SMPD1: variants seen among roughly 807,000 people sequenced by gnomAD.
The protein encoded by SMPD1 is sphingomyelin phosphodiesterase.
In SMPD1, 47 loss-of-function variants were observed where a neutral mutation model predicts 49.7. That is an observed-to-expected ratio of 0.95 (90% CI 0.75 to 1.21). The LOEUF is 1.21. Among genes scored for constraint, SMPD1 ranks in the 50% most tolerant of loss-of-function variants. The pLI is 0.00. For missense variants in SMPD1, 811 were observed against 822.2 expected, an observed-to-expected ratio of 0.99 and a Z score of 0.17; for synonymous variants, 336 against 339.6, an observed-to-expected ratio of 0.99 and a Z score of 0.12.
rs371582155 is a variant in SMPD1 at position 6,393,724 on chromosome 11, C to T, written c.1340+31C>T. The T allele has an allele frequency of 1.3e-5, 21 of 1,590,550 alleles. No homozygotes were observed. The East Asian group carries it at 2.0e-4, about 15-fold the overall frequency. On this transcript the variant is annotated intron_variant, in intron 4 of 5. Coordinates refer to ENST00000342245, the MANE Select transcript of SMPD1 (RefSeq NM_000543.5). Reference sequence around the variant, plus strand: ...ACGGAGATGAGGGTGGGAATAGGGACAGGGTGAGTGTCTGAAGGCTGAAAA... The same window carrying T: ...ACGGAGATGAGGGTGGGAATAGGGATAGGGTGAGTGTCTGAAGGCTGAAAA...
In SMPD1 at chr11:6,394,046, G is replaced by T; in HGVS notation, c.1486+5G>T. 6.2e-7 allele frequency: 1 copy of T among 1,614,208 alleles called. No individual in the cohort carries two copies. The highest frequency in any genetic ancestry group is 8.5e-7 in the Non-Finnish European group (1 of 1,180,036). ...CCTACATCGGCCTTAATCCTGGTGA[G>T]TGAGGCAGAAGGGAGCCTCCCTTAT... On this transcript the variant is annotated splice_donor_5th_base_variant and intron_variant, in intron 5 of 5. Coordinates refer to ENST00000342245, the MANE Select transcript of SMPD1 (RefSeq NM_000543.5).
At position 6,390,700 on chromosome 11, in the gene SMPD1, C is replaced by G. The variant is rs889113421; in HGVS notation, c.102C>G (p.Gly34=). 1.9e-5 allele frequency: 29 copies of G among 1,546,856 alleles called. No homozygotes were observed. The highest frequency in any genetic ancestry group is 8.7e-5 in the Admixed American group (5 of 57,388). The change falls in exon 1 of 6, where the codon GGC becomes GGG. Residue 34 remains glycine, a synonymous_variant. Transcript: ENST00000342245. ...TAGAPGLLWM[G]LVLALALALA... The stretch of plus-strand genomic sequence containing the variant: ...GAGCCCCCGGACTCCTTTGGATGGG[C>G]CTGGTGCTGGCGCTGGCGCTGGCGC...
At position 6,391,651 on chromosome 11, in the gene SMPD1, C is replaced by G; in HGVS notation, c.586C>G (p.Pro196Ala). Residue 196 changes from proline to alanine, a missense_variant, in exon 2 of 6, where the codon CCA becomes GCA. By Grantham distance (27) the Pro-to-Ala change is conservative. Coordinates refer to ENST00000342245, the MANE Select transcript of SMPD1 (RefSeq NM_000543.5). ...CCCCAAACCCCCTAGCCCCCCAGCC[C>G]CAGGTGCCCCTGTCAGCCGCATCCT... ...PPPKPPSPPA[P>A]GAPVSRILFL... 6.4e-7 allele frequency: 1 copy of G among 1,572,580 alleles called. No individual in the cohort carries two copies. Among genetic ancestry groups the G allele is most frequent in the Non-Finnish European group, 8.6e-7 (1 of 1,161,754 alleles).
At position 6,391,481 on chromosome 11, in the gene SMPD1, T is replaced by C. The variant is rs797044797; in HGVS notation, c.416T>C (p.Leu139Pro). 6.2e-7 allele frequency: 1 copy of C among 1,613,998 alleles called. No individual in the cohort carries two copies. Among genetic ancestry groups the C allele is most frequent in the Middle Eastern group, 1.7e-4 (1 of 5,874 alleles). The change falls in exon 2 of 6, where the codon CTC becomes CCC. Residue 139 changes from leucine to proline, a missense_variant. Leu to Pro is a moderately conservative substitution (Grantham distance 98). Transcript: ENST00000342245. The part of the protein sequence containing the change: ...PPAVCQSIVH[L>P]FEDDMVEVWR... ...GCCGTGTGCCAATCCATTGTCCACC[T>C]CTTTGAGGATGACATGGTGGAGGTG...
intron 2 of SMPD1, 23 bp from the exon 3 acceptor site, chr11:6,393,193 C>T (rs1848011057): frequency 6.2e-7 from 1 of 1,609,832 alleles, no homozygotes; most frequent in Admixed American, 1.7e-5. Flanking sequence ...AAGTGTTGAC[C>T]TCTCATGTTT....
intron 3 of SMPD1, 63 bp downstream of exon 3, chr11:6,393,450 G>A: frequency 6.5e-7 from 1 of 1,539,188 alleles, no homozygotes. Flanking sequence ...TTGAGCTGGA[G>A]CACCTCTGGG....
intron 1 of SMPD1, 117 bp from the exon 2 acceptor site, chr11:6,391,267 C>A: frequency 1.0e-6 from 1 of 989,980 alleles, no homozygotes; most frequent in Non-Finnish European, 1.6e-6. Context: ...GAGCTTGGTG[C>A]ACTGAGTCCT....
chr11:6,391,300 G>T, intron 1 of SMPD1, 84 bp from the exon 2 acceptor site: 1 of 1,393,260 alleles, frequency 7.2e-7, no homozygotes, highest in Admixed American at 1.7e-5. Flanking sequence ...TTTGGAAATG[G>T]AGGCCCAAGG....
chr11:6,391,403 G>A lies in SMPD1; in HGVS notation c.338G>A (p.Arg113His), dbSNP rs149770879. The change falls in exon 2 of 6, where the codon CGC (arginine) becomes CAC (histidine). Residue 113 changes from arginine to histidine, a missense_variant. By Grantham distance (29) the Arg-to-His change is conservative. Coordinates refer to ENST00000342245, the MANE Select transcript of SMPD1 (RefSeq NM_000543.5). ...LGLKKEPNVA[R>H]VGSVAIKLCN... ...CTGCAGAAGGAACCCAATGTGGCTC[G>A]CGTGGGCTCCGTGGCCATCAAGCTG... 5.6e-5 allele frequency: 91 copies of A among 1,611,632 alleles called. No homozygotes were observed. In the African/African-American group the frequency reaches 9.7e-4, roughly 17 times the overall value.
Position 6,394,349 on chromosome 11 carries a change from G to A in SMPD1, c.1638G>A (p.Gly546=), listed in dbSNP as rs1465130999. 3 of 1,614,250 alleles carry A rather than the reference G, an allele frequency of 1.9e-6. No homozygotes were observed. Among genetic ancestry groups the A allele is most frequent in the Non-Finnish European group, 1.7e-6 (2 of 1,180,046 alleles). Residue 546 remains glycine (G), a synonymous_variant, in exon 6 of 6, where the codon GGG becomes GGA. Coordinates refer to ENST00000342245, the MANE Select transcript of SMPD1 (RefSeq NM_000543.5). ...TCTACAGGGCTCGAGAAACCTATGG[G>A]CTGCCCAACACACTGCCTACCGCCT... The part of the protein sequence containing the change: ...QLLYRARETY[G]LPNTLPTAWH...
chr11:6,393,689 G>C lies in SMPD1; in HGVS notation c.1336G>C (p.Ala446Pro). 6.2e-7 allele frequency: 1 copy of C among 1,613,814 alleles called. No homozygotes were observed. Among genetic ancestry groups the C allele is most frequent in the Non-Finnish European group, 8.5e-7 (1 of 1,179,658 alleles). ...SWSWNYYRIV[A>P]RYENTLAAQF... ...GAGCTGGAATTATTACCGAATTGTA[G>C]CCAGGTAGGACGGAGATGAGGGTGG... The change falls in exon 4 of 6, where the codon GCC (alanine) becomes CCC (proline). Residue 446 changes from alanine (A) to proline (P), a missense_variant. Physicochemically the swap from Ala to Pro is conservative, Grantham distance 27. Coordinates refer to ENST00000342245, the MANE Select transcript of SMPD1 (RefSeq NM_000543.5).
At chr11:6,393,133 G>GCTTTTACC in intron 2 of SMPD1, 83 bp from the exon 3 acceptor site, 1 of 1,167,644 alleles carries the variant, frequency 8.6e-7, no homozygotes, top group Non-Finnish European at 1.3e-6. Context: ...TGTCATGTAT[G>GCTTTTACC]CTTTTACCCT....
Position 6,393,629 on chromosome 11 carries a change from G to A in SMPD1, c.1276G>A (p.Gly426Ser), listed in dbSNP as rs1554935136. 2 of 1,613,314 alleles carry A rather than the reference G, an allele frequency of 1.2e-6. No homozygotes were observed. Among genetic ancestry groups the A allele is most frequent in the South Asian group, 2.2e-5 (2 of 91,056 alleles). ...TTCTCCCTACTAGGTGCATATAATT[G>A]GCCACATTCCCCCAGGGCACTGTCT... ...EDRGDKVHII[G>S]HIPPGHCLKS... is the part of the protein sequence containing the mutation. Residue 426 changes from glycine to serine, a missense_variant, in exon 4 of 6, where the codon GGC becomes AGC. Gly to Ser is a moderately conservative substitution (Grantham distance 56, BLOSUM62 0). Transcript: ENST00000342245.
rs956060299 is a variant in SMPD1 at position 6,394,801 on chromosome 11, G to A, written c.*194G>A. The A allele has an allele frequency of 5.0e-5, 31 of 621,792 alleles. No individual in the cohort carries two copies. Among genetic ancestry groups the A allele is most frequent in the Non-Finnish European group, 8.8e-5 (31 of 353,228 alleles). The allele number at this position is 621,792 out of a possible 1,614,324, so 38.5% of individuals were successfully genotyped here. A position where few individuals can be genotyped will look rare whatever the true frequency, so the allele number is the denominator to read the frequency against. ...GATATGGGAGGGGGTTTGGCTGCCT[G>A]TGCCCAGGAGCTAGACTGCCTTGAG... On this transcript the variant is annotated 3_prime_UTR_variant, in exon 6 of 6. Coordinates refer to ENST00000342245, the MANE Select transcript of SMPD1 (RefSeq NM_000543.5).
Position 6,393,905 on chromosome 11 carries a change from C to T in SMPD1, c.1350C>T (p.Asn450=). 2 of 1,614,176 alleles carry T rather than the reference C, an allele frequency of 1.2e-6. No individual in the cohort carries two copies. Among genetic ancestry groups the T allele is most frequent in the Non-Finnish European group, 1.7e-6 (2 of 1,180,012 alleles). The part of the protein sequence containing the change: ...NYYRIVARYE[N]TLAAQFFGHT... The stretch of plus-strand genomic sequence containing the variant: ...AGTACCTTCTGGCCAGGTATGAGAA[C>T]ACCCTGGCTGCTCAGTTCTTTGGCC... Residue 450 remains asparagine, a synonymous_variant, in exon 5 of 6, where the codon AAC becomes AAT. Coordinates refer to ENST00000342245, the MANE Select transcript of SMPD1 (RefSeq NM_000543.5).
rs1848097267 is a variant in SMPD1 at position 6,394,465 on chromosome 11, C to T, written c.1754C>T (p.Pro585Leu). 1 of 1,614,036 alleles carries T rather than the reference C, an allele frequency of 6.2e-7. No homozygotes were observed. Among genetic ancestry groups the T allele is most frequent in the African/African-American group, 1.3e-5 (1 of 74,944 alleles). The change falls in exon 6 of 6, where the codon CCC becomes CTC. Residue 585 changes from proline (P) to leucine (L), a missense_variant. By Grantham distance (98) the Pro-to-Leu change is moderately conservative. Coordinates refer to ENST00000342245, the MANE Select transcript of SMPD1 (RefSeq NM_000543.5). The stretch of plus-strand genomic sequence containing the variant: ...CATAAGGGCCACCCACCCTCGGAGC[C>T]CTGTGGCACGCCCTGCCGTCTGGCT... ...LYHKGHPPSE[P>L]CGTPCRLATL...
rs756326903 is a variant in SMPD1, at chr11:6,392,329, C to CTTT, written c.1091+192_1091+194dup. ...CTTTCTACTGTTTTGCCGCACCAGG[C>CTTT]TTTTTTTTTTTTTTTTTTTTTAGTT... is the stretch of plus-strand genomic sequence containing the variant. On this transcript the variant is annotated intron_variant, in intron 2 of 5. Coordinates refer to ENST00000342245, the MANE Select transcript of SMPD1 (RefSeq NM_000543.5). The CTTT allele has an allele frequency of 8.4e-5, 34 of 404,140 alleles. 1 individual carries two copies. The highest frequency in any genetic ancestry group is 2.8e-4 in the East Asian group (6 of 21,472). 25.0% of individuals were successfully genotyped at this position (404,140 alleles called of 1,614,324 possible). A position where few individuals can be genotyped will look rare whatever the true frequency, so the allele number is the denominator to read the frequency against.
In SMPD1 at chr11:6,391,011, C is replaced by T. The variant is rs1847886317; in HGVS notation, c.318+95C>T. 2.0e-6 allele frequency: 3 copies of T among 1,473,586 alleles called. No individual in the cohort carries two copies. The East Asian group carries it at 7.1e-5, about 35-fold the overall frequency. 91.3% of individuals were successfully genotyped at this position (1,473,586 alleles called of 1,614,324 possible). Reference sequence around the variant, plus strand: ...TGGTGCGCTGGGCTCAGAATGCATCCCTGATGGAGAGGGTGGCATCTACAA... The same window carrying T: ...TGGTGCGCTGGGCTCAGAATGCATCTCTGATGGAGAGGGTGGCATCTACAA... On this transcript the variant is annotated intron_variant, in intron 1 of 5. Transcript: ENST00000342245.
chr11:6,391,112 A>G (rs1388638737), intron 1 of SMPD1, among the ~76,000 whole-genome samples, 196 bp downstream of exon 1: 1 of 152,250 alleles, frequency 6.6e-6, no homozygotes, highest in Non-Finnish European at 1.5e-5. Context: ...ACCTTTGTGA[A>G]GTAAGAAAAT....
Sources: gnomAD v4.1 joint callset for allele counts (sites outside exome capture counted in the v4.1 genomes callset) on GRCh38, gnomAD v4.1.1 for gene constraint, MANE v1.5 for transcripts, NCBI Gene and HGNC (gene_info 2026-07-23, HGNC 2026-07-21) for gene names.